The following AGPAT3 variants were observed in gnomAD, a reference collection of about 807,000 sequenced individuals.
AGPAT3 encodes 1-acylglycerol-3-phosphate O-acyltransferase 3, also known as 1-acyl-sn-glycerol-3-phosphate acyltransferase gamma.
AGPAT3 carries 5 observed loss-of-function variants against 47.3 expected under a neutral mutation model. The ratio of observed to expected loss-of-function variants is 0.11; its 90% CI spans 0.06 to 0.22. The LOEUF is 0.22. AGPAT3 is among the 10% of genes least tolerant of loss of function. The pLI is 1.00. For missense variants in AGPAT3, 315 were observed against 493.0 expected (o/e 0.64, Z 3.42); for synonymous variants, 212 against 208.3 (o/e 1.02, Z -0.15).
chr21:43,959,551 G>A, intron 2 of AGPAT3, 83 bp from the exon 3 acceptor site: 3 of 1,256,618 alleles, frequency 2.4e-6, no homozygotes, highest in Non-Finnish European at 2.3e-6. Context: ...CATGTGCGGG[G>A]TGTGCAGTGA....
intron 1 of AGPAT3, among the ~76,000 whole-genome samples, chr21:43,869,684 C>A (rs2085580293): frequency 6.6e-6 from 1 of 152,144 alleles, no homozygotes; most frequent in South Asian, 2.1e-4. Context: ...CACAGCCAGC[C>A]CAGTGCCAAG....
At position 43,932,088 on chromosome 21, in the gene AGPAT3, A is replaced by G. The variant is rs1458974413; in HGVS notation, c.-48-27546A>G. Among the ~76,000 whole-genome samples, 2 of 152,226 alleles carry G rather than the reference A, an allele frequency of 1.3e-5. No homozygotes were observed. The highest frequency in any genetic ancestry group is 4.8e-5 in the African/African-American group (2 of 41,438). On this transcript the variant is annotated intron_variant, in intron 2 of 9. Coordinates refer to ENST00000291572, the MANE Select transcript of AGPAT3 (RefSeq NM_020132.5). This position sits in a 1 kb window ranked among gnomAD's most constrained non-coding sequence, Gnocchi z 5.2. Reference sequence around the variant, plus strand: ...ATTAATTAAGCTAATTAACATAGCTATCAGCTCACCAACATCGTTTTTGGT... The same window carrying G: ...ATTAATTAAGCTAATTAACATAGCTGTCAGCTCACCAACATCGTTTTTGGT...
At chr21:43,937,128 T>TG (rs1215186322) in intron 2 of AGPAT3, among the ~76,000 whole-genome samples, 1 of 152,164 alleles carries the variant, frequency 6.6e-6, no homozygotes, top group Non-Finnish European at 1.5e-5. Flanking sequence ...CACTCCTGGG[T>TG]GGGGGAACGT....
chr21:43,917,773 G>GGGGTGTTGT (rs1240648672), intron 2 of AGPAT3, among the ~76,000 whole-genome samples: 2 of 149,292 alleles, frequency 1.3e-5, no homozygotes, highest in Non-Finnish European at 3.0e-5. Flanking sequence ...GAACTGTGTT[G>GGGGTGTTGT]GGGTGTTGTG....
At chr21:43,953,231 C>G (rs893998699) in intron 2 of AGPAT3, among the ~76,000 whole-genome samples, 17 of 152,202 alleles carry the variant, frequency 1.1e-4, no homozygotes, top group African/African-American at 4.1e-4. Context: ...CATCCAAATG[C>G]ATGTGTGTCC....
At chr21:43,894,100 G>A (rs1244374223) in intron 1 of AGPAT3, among the ~76,000 whole-genome samples, 2 of 152,150 alleles carry the variant, frequency 1.3e-5, no homozygotes, top group South Asian at 2.1e-4. Flanking sequence ...GTTCATGCTC[G>A]TGAGTGAGAC....
At chr21:43,962,061 T>C (rs893411120) in intron 3 of AGPAT3, among the ~76,000 whole-genome samples, 34 of 151,094 alleles carry the variant, frequency 2.3e-4, no homozygotes, top group African/African-American at 7.6e-4. Flanking sequence ...AGTGCAGTGG[T>C]GCGATCTCGG....
chr21:43,886,385 C>T (rs2085979163), intron 1 of AGPAT3, among the ~76,000 whole-genome samples: 1 of 152,078 alleles, frequency 6.6e-6, no homozygotes, highest in Non-Finnish European at 1.5e-5. Context: ...TCCCGAATAG[C>T]TGGGATTACA....
intron 1 of AGPAT3, among the ~76,000 whole-genome samples, chr21:43,898,986 G>A (rs909736785): frequency 2.0e-5 from 3 of 152,104 alleles, no homozygotes; most frequent in South Asian, 2.1e-4. Flanking sequence ...AAAGTGTTTG[G>A]ATTATAGGCG....
chr21:43,874,027 G>C (rs1289221796), intron 1 of AGPAT3, among the ~76,000 whole-genome samples: 1 of 152,060 alleles, frequency 6.6e-6, no homozygotes, highest in Non-Finnish European at 1.5e-5. Flanking sequence ...TCAACTTTCT[G>C]TCATAAGTAT....
rs1353444376 is a variant in AGPAT3 at position 43,955,566 on chromosome 21, T to TTA, written c.-48-4067_-48-4066dup. Among the ~76,000 whole-genome samples the TTA allele has an allele frequency of 6.6e-6, 1 of 151,944 alleles. No homozygotes were observed. Among genetic ancestry groups the TTA allele is most frequent in the Admixed American group, 6.5e-5 (1 of 15,272 alleles). ...GCCTCGGCCTCCCAAAGTGCTCAGA[T>TTA]TACAGGTGTGAGCCACCGCGCCCGG... is the stretch of plus-strand genomic sequence containing the variant. On this transcript the variant is annotated intron_variant, in intron 2 of 9. Transcript: ENST00000291572. The surrounding 1 kb of genome is among the most constrained non-coding windows in gnomAD (Gnocchi z 4.1).
chr21:43,973,158 T>G (rs2089465311), intron 7 of AGPAT3, among the ~76,000 whole-genome samples: 1 of 152,250 alleles, frequency 6.6e-6, no homozygotes, highest in Admixed American at 6.5e-5. Context: ...ACTGGCTGAT[T>G]AGAGGCGGAG....
At chr21:43,892,136 G>A (rs1381775272) in intron 1 of AGPAT3, among the ~76,000 whole-genome samples, 2 of 151,922 alleles carry the variant, frequency 1.3e-5, no homozygotes, top group South Asian at 2.1e-4. Flanking sequence ...ATGAAATCCC[G>A]TCTCTACTAA....
intron 1 of AGPAT3, among the ~76,000 whole-genome samples, chr21:43,899,749 G>A (rs1450050920): frequency 1.3e-5 from 2 of 152,208 alleles, no homozygotes; most frequent in South Asian, 2.1e-4. Flanking sequence ...GTGTGTGTGT[G>A]TGCAGCAGCT....
At chr21:43,896,527 A>G (rs1482800350) in intron 1 of AGPAT3, among the ~76,000 whole-genome samples, 1 of 152,256 alleles carries the variant, frequency 6.6e-6, no homozygotes, top group African/African-American at 2.4e-5. Context: ...AAGTCTGGCT[A>G]GCTACCTGCT....
In AGPAT3 at chr21:43,978,070, G is replaced by A. The variant is rs776804701; in HGVS notation, c.792G>A (p.Pro264=). The change falls in exon 8 of 10, where the codon CCG becomes CCA. Residue 264 remains proline, a synonymous_variant. Transcript: ENST00000291572. Reference sequence around the variant, plus strand: ...GGAGATTTCCTCTGGAAGACATCCCGCTGGATGAAAAGGAAGCAGCTCAGT... The same window carrying A: ...GGAGATTTCCTCTGGAAGACATCCCACTGGATGAAAAGGAAGCAGCTCAGT... ...CVRRFPLEDI[P]LDEKEAAQWL... is the part of the protein sequence containing the mutation. The A allele has an allele frequency of 6.2e-6, 10 of 1,613,348 alleles. No individual in the cohort carries two copies. The highest frequency in any genetic ancestry group is 1.7e-5 in the Admixed American group (1 of 59,954).
chr21:43,889,287 T>G (rs1051964250), intron 1 of AGPAT3, among the ~76,000 whole-genome samples: 11 of 63,876 alleles, frequency 1.7e-4, no homozygotes, highest in African/African-American at 4.4e-4. Context: ...TTGTTGTGGG[T>G]TTTTTTTTTT....
At chr21:43,914,754 C>G (rs547660717) in intron 2 of AGPAT3, among the ~76,000 whole-genome samples, 9 of 152,238 alleles carry the variant, frequency 5.9e-5, no homozygotes, top group Non-Finnish European at 1.2e-4. Context: ...GTTGCCCAGG[C>G]TGGTTTCGAA....
chr21:43,869,044 C>T (rs934187178), intron 1 of AGPAT3, among the ~76,000 whole-genome samples: 4 of 152,222 alleles, frequency 2.6e-5, no homozygotes, highest in Non-Finnish European at 5.9e-5. Flanking sequence ...TTCACATACA[C>T]GTATTCATTT....
Sources: gnomAD v4.1 joint callset for allele counts (sites outside exome capture counted in the v4.1 genomes callset) on GRCh38, gnomAD v4.1.1 for gene constraint, Gnocchi (gnomAD v3.1) non-coding constraint, MANE v1.5 for transcripts, NCBI Gene and HGNC (gene_info 2026-07-23, HGNC 2026-07-21) for gene names.